SPATA9: variants seen among roughly 807,000 people sequenced by gnomAD.
The protein encoded by SPATA9 is spermatogenesis-associated protein 9.
A neutral mutation model predicts 25.5 loss-of-function variants in SPATA9; 27 were observed. The ratio of observed to expected loss-of-function variants is 1.06; its 90% confidence interval spans 0.78 to 1.46. The LOEUF is 1.46. SPATA9 is among the 40% of genes most tolerant of loss of function. The pLI is 0.00. For synonymous variants in SPATA9, 102 were observed against 105.7 expected, an observed-to-expected ratio of 0.97 and a Z score of 0.21; for missense variants, 282 against 297.5, an observed-to-expected ratio of 0.95 and a Z score of 0.38.
At chr5:95,696,010 G>A (rs988771897) in intron 1 of SPATA9, among the ~76,000 whole-genome samples, 2 of 152,224 alleles carry the variant, frequency 1.3e-5, no homozygotes, top group African/African-American at 4.8e-5. Flanking sequence ...CATGTGGCAA[G>A]GAACCAATGT....
chr5:95,720,431 A>C, the SPATA9 span, among the ~76,000 whole-genome samples: 6 of 152,256 alleles, frequency 3.9e-5, no homozygotes, highest in Non-Finnish European at 8.8e-5. Flanking sequence ...AATTTATATT[A>C]GATCATAGTG....
the SPATA9 span, among the ~76,000 whole-genome samples, chr5:95,705,562 G>T: frequency 2.0e-5 from 3 of 152,026 alleles, no homozygotes; most frequent in Non-Finnish European, 4.4e-5. Context: ...TTCAGTAAAG[G>T]TCAGCTGGTA....
intron 2 of SPATA9, among the ~76,000 whole-genome samples, chr5:95,681,453 C>T (rs1425862636): frequency 6.6e-6 from 1 of 152,052 alleles, no homozygotes; most frequent in Non-Finnish European, 1.5e-5. Context: ...AAGCATGCTT[C>T]CTCCATGAAG....
intron 1 of SPATA9, among the ~76,000 whole-genome samples, chr5:95,697,718 A>G (rs1160766248): frequency 6.6e-6 from 1 of 152,204 alleles, no homozygotes; most frequent in Non-Finnish European, 1.5e-5. Flanking sequence ...TAAAGCTCAC[A>G]TTTATCATTG....
intron 4 of SPATA9, 31 bp from the exon 5 acceptor site, chr5:95,658,944 G>A: frequency 1.3e-6 from 2 of 1,553,880 alleles, no homozygotes; most frequent in Non-Finnish European, 1.7e-6. Context: ...GTAAAGTGAA[G>A]TTTCTTTTTA....
At chr5:95,731,231 C>T in the SPATA9 span, 24 of 1,004,558 alleles carry the variant, frequency 2.4e-5, no homozygotes, top group Non-Finnish European at 2.7e-5. Context: ...ATCCGCCCGA[C>T]CCCCGGGGCT....
intron 3 of SPATA9, chr5:95,670,429 AT>A (rs1161203778): frequency 6.6e-6 from 1 of 152,132 alleles, no homozygotes; most frequent in Non-Finnish European, 1.5e-5. Context: ...CTACAAATGC[AT>A]TTTTTCATCA....
the SPATA9 span, chr5:95,731,304 C>T: frequency 9.5e-7 from 1 of 1,047,854 alleles, no homozygotes; most frequent in Admixed American, 5.7e-5. Context: ...CCCCCCTTCT[C>T]TGCTTAGAGG....
chr5:95,708,960 A>G, the SPATA9 span: 1 of 241,052 alleles, frequency 4.1e-6, no homozygotes, highest in Non-Finnish European at 8.1e-6. Flanking sequence ...GCGCAGTTTT[A>G]AGGGGCCTGA....
chr5:95,711,590 G>A, the SPATA9 span, among the ~76,000 whole-genome samples: 1 of 152,210 alleles, frequency 6.6e-6, no homozygotes, highest in South Asian at 2.1e-4. Context: ...TGGGTGGCGA[G>A]CCCACAGGGG....
rs1482022881 is a variant in SPATA9 at position 95,658,899 on chromosome 5, A to G, written c.489T>C (p.Asn163=). The change falls in exon 5 of 5, where the codon AAT becomes AAC. Residue 163 remains asparagine (N), a synonymous_variant. Transcript: ENST00000274432. ...AALIYLAVCV[N]AVLKKVKNIF... ...TGTTCTTTACCTTCTTCAGCACAGC[A>G]TTAACACAGACTGCCTATACAATAA... The G allele has an allele frequency of 6.8e-6, 11 of 1,610,618 alleles. No individual in the cohort carries two copies. Among genetic ancestry groups the G allele is most frequent in the Non-Finnish European group, 9.3e-6 (11 of 1,178,730 alleles).
At chr5:95,652,326 C>G (rs749892741), downstream of SPATA9, 2 of 1,550,772 alleles carry the variant, frequency 1.3e-6, no homozygotes, top group South Asian at 2.4e-5. Context: ...TACACTTCCT[C>G]TCCAAGTGAG....
downstream of SPATA9, chr5:95,653,342 A>G: frequency 1.6e-6 from 2 of 1,269,928 alleles, no homozygotes; most frequent in South Asian, 1.6e-5. Flanking sequence ...AAGAGGCTGA[A>G]GACTATTCAG....
the SPATA9 span, chr5:95,717,193 C>A: frequency 2.6e-5 from 4 of 152,322 alleles, no homozygotes; most frequent in African/African-American, 7.2e-5. Flanking sequence ...AAGGCCTTAA[C>A]AGAATAAAGA....
chr5:95,708,063 G>A, the SPATA9 span, among the ~76,000 whole-genome samples: 3 of 143,906 alleles, frequency 2.1e-5, no homozygotes, highest in African/African-American at 7.6e-5. Context: ...ATGAGGAGAG[G>A]TCCAGCTAAC....
the SPATA9 span, among the ~76,000 whole-genome samples, chr5:95,718,467 A>C: frequency 6.6e-6 from 1 of 152,230 alleles, no homozygotes; most frequent in African/African-American, 2.4e-5. Context: ...AGCTGAGGGA[A>C]GTTCCCCAGC....
intron 3 of SPATA9, among the ~76,000 whole-genome samples, chr5:95,669,311 CA>C (rs1306714193): frequency 6.6e-6 from 1 of 152,082 alleles, no homozygotes; most frequent in African/African-American, 2.4e-5. Context: ...TAGATTATAC[CA>C]GCCAAGTTAG....
At chr5:95,687,439 T>C (rs1255721290), upstream of SPATA9, among the ~76,000 whole-genome samples, 1 of 152,226 alleles carries the variant, frequency 6.6e-6, no homozygotes, top group Non-Finnish European at 1.5e-5. Context: ...TAAAATGTAT[T>C]AGGGGAGTGT....
At chr5:95,720,092 C>T in the SPATA9 span, among the ~76,000 whole-genome samples, 1 of 152,180 alleles carries the variant, frequency 6.6e-6, no homozygotes, top group Non-Finnish European at 1.5e-5. Flanking sequence ...AATTAGTATT[C>T]TAGTTTACAC....
Sources: allele counts gnomAD v4.1 joint callset (sites outside exome capture counted in the v4.1 genomes callset), GRCh38; gene constraint gnomAD v4.1.1; transcripts MANE v1.5; gene names NCBI Gene and HGNC (gene_info 2026-07-23, HGNC 2026-07-21).